MEGF9: variants seen among roughly 807,000 people sequenced by gnomAD.
MEGF9 encodes multiple epidermal growth factor-like domains protein 9.
Under a neutral mutation model 46.8 loss-of-function variants are expected in MEGF9, and 6 were observed. That is an observed-to-expected ratio of 0.13 (90% CI 0.07 to 0.25). The LOEUF (loss-of-function observed/expected upper bound fraction) is 0.25, where lower values mean the gene tolerates loss of function less well. Among genes scored for constraint, MEGF9 ranks in the 10% least tolerant of loss-of-function variants. The pLI is 1.00. For synonymous variants in MEGF9, 302 were observed against 330.7 expected (o/e 0.91, Z 0.94); for missense variants, 683 against 792.4 (o/e 0.86, Z 1.66).
intron 1 of MEGF9, among the ~76,000 whole-genome samples, chr9:120,692,397 T>C (rs879389075): frequency 6.6e-6 from 1 of 152,234 alleles, no homozygotes; most frequent in Non-Finnish European, 1.5e-5. Context: ...TATTATGTTA[T>C]CTAGCATTTA....
chr9:120,602,439 C>A lies in MEGF9; in HGVS notation c.*2751G>T, dbSNP rs1000573762. 6.6e-6 allele frequency: 1 copy of A among 152,602 alleles called. No individual in the cohort carries two copies. Among genetic ancestry groups the A allele is most frequent in the Non-Finnish European group, 1.5e-5 (1 of 68,034 alleles). The allele number at this position is 152,602 out of a possible 1,614,324, so 9.5% of individuals were successfully genotyped here. On this transcript the variant is annotated 3_prime_UTR_variant, in exon 6 of 6. Transcript: ENST00000373930. Reference sequence around the variant, plus strand: ...CTAGAATGATTTCAGTGGTAGATCACTTTCTGATTGATTTATATTTTAAAG... The same window carrying A: ...CTAGAATGATTTCAGTGGTAGATCAATTTCTGATTGATTTATATTTTAAAG...
chr9:120,611,850 AG>A (rs1193611254), intron 4 of MEGF9, among the ~76,000 whole-genome samples: 16 of 139,230 alleles, frequency 1.1e-4, no homozygotes, highest in East Asian at 4.0e-4. Context: ...GAAGGAAGGA[AG>A]GAAGGAAGGA....
At chr9:120,615,740 C>T (rs1031737895) in intron 3 of MEGF9, among the ~76,000 whole-genome samples, 3 of 151,688 alleles carry the variant, frequency 2.0e-5, no homozygotes, top group Non-Finnish European at 2.9e-5. Context: ...ACAAAAAATA[C>T]AAAAATTAGC....
intron 3 of MEGF9, among the ~76,000 whole-genome samples, chr9:120,616,338 C>T (rs955817555): frequency 2.0e-5 from 3 of 151,836 alleles, no homozygotes; most frequent in Non-Finnish European, 4.4e-5. Context: ...TGTGAATTTG[C>T]TTCTTTAATA....
intron 2 of MEGF9, among the ~76,000 whole-genome samples, chr9:120,636,832 C>A (rs1310685222): frequency 1.4e-5 from 2 of 146,820 alleles, no homozygotes; most frequent in African/African-American, 4.9e-5. Context: ...CGCCCCCGCC[C>A]GGCAGCCGCC....
At chr9:120,649,740 T>C (rs1330154115) in intron 2 of MEGF9, among the ~76,000 whole-genome samples, 1 of 152,238 alleles carries the variant, frequency 6.6e-6, no homozygotes, top group Non-Finnish European at 1.5e-5. Flanking sequence ...GAAATATGCA[T>C]ATGAACTTGA....
intron 1 of MEGF9, among the ~76,000 whole-genome samples, chr9:120,697,792 GA>G (rs2043884469): frequency 6.6e-6 from 1 of 151,976 alleles, no homozygotes; most frequent in Non-Finnish European, 1.5e-5. Flanking sequence ...TACTGAAAGC[GA>G]ACCTGGATCA....
chr9:120,652,142 GCACACACACA>G (rs869130385), intron 2 of MEGF9, among the ~76,000 whole-genome samples: 110 of 26,130 alleles, frequency 4.2e-3, no homozygotes, highest in Middle Eastern at 0.045. Context: ...AAACAAACAA[GCACACACACA>G]CACACACACA....
intron 2 of MEGF9, among the ~76,000 whole-genome samples, chr9:120,656,007 C>T (rs796557277): frequency 2.7e-4 from 41 of 152,266 alleles, no homozygotes; most frequent in African/African-American, 9.6e-4. Context: ...TCTGCCAAAA[C>T]ACACTGAATT....
At chr9:120,691,765 C>T (rs1184694410) in intron 1 of MEGF9, among the ~76,000 whole-genome samples, 1 of 152,186 alleles carries the variant, frequency 6.6e-6, no homozygotes, top group East Asian at 1.9e-4. Context: ...AATCTGACTT[C>T]AGAGCCTGCA....
chr9:120,614,977 C>T (rs1186617718), intron 3 of MEGF9, among the ~76,000 whole-genome samples: 2 of 151,722 alleles, frequency 1.3e-5, no homozygotes, highest in South Asian at 2.1e-4. Context: ...TGGTGGCTCA[C>T]GCCTGTAATC....
chr9:120,688,762 T>G (rs1404310786), intron 1 of MEGF9, among the ~76,000 whole-genome samples: 2 of 152,176 alleles, frequency 1.3e-5, no homozygotes, highest in African/African-American at 4.8e-5. Context: ...GCAGGAGTTT[T>G]TCATTTTACA....
intron 1 of MEGF9, among the ~76,000 whole-genome samples, chr9:120,688,375 AG>A (rs2043833697): frequency 6.6e-6 from 1 of 152,218 alleles, no homozygotes. Flanking sequence ...TGCTAACAGC[AG>A]GGCTGTATCA....
chr9:120,688,754 A>C (rs769816900), intron 1 of MEGF9, among the ~76,000 whole-genome samples: 17 of 150,464 alleles, frequency 1.1e-4, no homozygotes, highest in Non-Finnish European at 2.4e-4. Context: ...AAGTATATGC[A>C]GGAGTTTTTC....
At chr9:120,675,887 CAAAAAAAAAA>C (rs1173047863) in intron 1 of MEGF9, among the ~76,000 whole-genome samples, 8 of 58,160 alleles carry the variant, frequency 1.4e-4, no homozygotes, top group Admixed American at 1.2e-3. Context: ...GACTCCATCT[CAAAAAAAAAA>C]AAAAAAAAAA....
intron 1 of MEGF9, among the ~76,000 whole-genome samples, chr9:120,709,026 A>G (rs1034973555): frequency 1.3e-5 from 2 of 152,222 alleles, no homozygotes; most frequent in African/African-American, 4.8e-5. Flanking sequence ...TACCCCATCC[A>G]GAAGGAATGA....
chr9:120,642,053 C>T (rs2043605571), intron 2 of MEGF9, among the ~76,000 whole-genome samples: 1 of 152,208 alleles, frequency 6.6e-6, no homozygotes, highest in African/African-American at 2.4e-5. Context: ...AGACTTCTCA[C>T]ATATCAAATG....
chr9:120,641,674 G>A (rs1188008702), intron 2 of MEGF9, among the ~76,000 whole-genome samples: 1 of 152,138 alleles, frequency 6.6e-6, no homozygotes, highest in Non-Finnish European at 1.5e-5. Context: ...CAATTTCCAG[G>A]TTAAACTGAT....
At chr9:120,634,101 C>T (rs1192591299) in intron 2 of MEGF9, among the ~76,000 whole-genome samples, 1 of 152,116 alleles carries the variant, frequency 6.6e-6, no homozygotes, top group Non-Finnish European at 1.5e-5. Context: ...CTGTTAGGTC[C>T]ATTTGGTCTC....
Sources: allele counts gnomAD v4.1 joint callset (sites outside exome capture counted in the v4.1 genomes callset), GRCh38; gene constraint gnomAD v4.1.1; transcripts MANE v1.5; gene names NCBI Gene and HGNC (gene_info 2026-07-23, HGNC 2026-07-21).